The following SHROOM4 variants were observed in gnomAD, a reference collection of about 807,000 sequenced individuals.
SHROOM4 encodes the protein shroom family member 4.
Under a neutral mutation model 80.3 loss-of-function variants are expected in SHROOM4, and 17 were observed. The observed-to-expected ratio is 0.21, with a 90% CI of 0.14 to 0.32. SHROOM4 has a LOEUF of 0.32. SHROOM4 is among the 10% of genes least tolerant of loss of function. SHROOM4 has a pLI of 1.00. For synonymous variants in SHROOM4, 400 were observed against 437.5 expected (o/e 0.91, Z 1.07); for missense variants, 993 against 1,140.3 (o/e 0.87, Z 1.86).
At chrX:50,712,315 T>C (rs1175835875) in intron 1 of SHROOM4, among the ~76,000 whole-genome samples, 3 of 111,928 alleles carry the variant, frequency 2.7e-5, no homozygotes, top group Non-Finnish European at 5.6e-5. Flanking sequence ...CAAACTCCCC[T>C]TTGCAAACAA....
chrX:50,711,396 C>T, intron 1 of SHROOM4, among the ~76,000 whole-genome samples: 1 of 111,876 alleles, frequency 8.9e-6, no homozygotes, highest in South Asian at 3.7e-4. Context: ...AAAACCAACA[C>T]ACATGAGGGG....
At chrX:50,681,156 T>G (rs781979987) in intron 2 of SHROOM4, among the ~76,000 whole-genome samples, 2 of 111,122 alleles carry the variant, frequency 1.8e-5, no homozygotes, top group Non-Finnish European at 3.8e-5. Flanking sequence ...CCAAGTAGCC[T>G]CCTAACAAGT....
intron 1 of SHROOM4, among the ~76,000 whole-genome samples, chrX:50,795,325 A>G (rs1470454635): frequency 9.3e-6 from 1 of 107,904 alleles, no homozygotes; most frequent in Non-Finnish European, 1.9e-5. Flanking sequence ...GGAGATTCAT[A>G]CAAACTCAAA....
At chrX:50,586,202 GCTTTTTCAT>G (rs1280153225), downstream of SHROOM4, among the ~76,000 whole-genome samples, 2 of 111,979 alleles carry the variant, frequency 1.8e-5, no homozygotes, top group African/African-American at 6.5e-5. Context: ...AGTTTGGTCT[GCTTTTTCAT>G]CTTTATCAAA....
downstream of SHROOM4, among the ~76,000 whole-genome samples, chrX:50,583,942 C>T: frequency 8.9e-6 from 1 of 112,147 alleles, no homozygotes; most frequent in South Asian, 3.7e-4. Context: ...TTGTTTTAAG[C>T]TACTGAGTTT....
intron 2 of SHROOM4, among the ~76,000 whole-genome samples, chrX:50,652,848 G>C (rs1487772490): frequency 1.4e-4 from 16 of 111,708 alleles, no homozygotes; most frequent in Non-Finnish European, 1.9e-4. Flanking sequence ...GCTTGTTTTT[G>C]TCAGGTTTGT....
In SHROOM4 at chrX:50,596,896, G is replaced by A. The variant is rs368241036; in HGVS notation, c.4281C>T (p.His1427=). The change falls in exon 9 of 9, where the codon CAC becomes CAT. Residue 1427 remains histidine (H), a synonymous_variant. Transcript: ENST00000376020. ...ACACCAACTTCTCCCGGCGGTCCAC[G>A]TGCTCCTTCAGCTCCTTGGCATCTG... ...QLADAKELKE[H]VDRREKLVFG... is the part of the protein sequence containing the mutation. 8.2e-4 allele frequency: 996 copies of A among 1,209,976 alleles called. 2 individuals are homozygous for A. Among genetic ancestry groups the A allele is most frequent in the Non-Finnish European group, 1.1e-3 (961 of 895,173 alleles).
intron 7 of SHROOM4, among the ~76,000 whole-genome samples, chrX:50,599,017 T>TGTGTGC (rs1557247263): frequency 9.3e-6 from 1 of 107,850 alleles, no homozygotes; most frequent in Non-Finnish European, 1.9e-5. Flanking sequence ...TTTGTGTGTG[T>TGTGTGC]GTGTGTGTGT....
intron 2 of SHROOM4, among the ~76,000 whole-genome samples, chrX:50,653,568 G>T (rs184630999): frequency 1.4e-4 from 16 of 111,331 alleles, no homozygotes; most frequent in Non-Finnish European, 1.9e-4. Flanking sequence ...TCCTTCTCTT[G>T]CCTGACTGCC....
intron 1 of SHROOM4, among the ~76,000 whole-genome samples, chrX:50,769,394 C>T (rs1211378069): frequency 8.9e-6 from 1 of 112,340 alleles, no homozygotes; most frequent in Admixed American, 9.4e-5. Context: ...CTCAGTTTCT[C>T]TCAGTTCATA....
chrX:50,739,057 G>C (rs1427996204), intron 1 of SHROOM4, among the ~76,000 whole-genome samples: 14 of 111,413 alleles, frequency 1.3e-4, no homozygotes, highest in Non-Finnish European at 2.5e-4. Flanking sequence ...CTTTGACAAA[G>C]CTGACAAAAA....
Position 50,618,273 on chromosome X carries a change from TCTTCC to T in SHROOM4, c.2957+9336_2957+9340del, listed in dbSNP as rs782327441. ...CTGGTTTCTTTCTTTTCTTCTCTTC[TCTTCC>T]CCTTCCTTCCTTCCTTCCTTCCTTC... On this transcript the variant is annotated intron_variant, in intron 5 of 8. Coordinates refer to ENST00000376020, the MANE Select transcript of SHROOM4 (RefSeq NM_020717.5). Among the ~76,000 whole-genome samples the T allele has an allele frequency of 3.3e-3, 341 of 103,004 alleles. 2 individuals are homozygous for T. The highest frequency in any genetic ancestry group is 5.3e-3 in the Non-Finnish European group (266 of 50,370). The allele number at this position is 103,004 out of a possible 115,157, so 89.4% of individuals were successfully genotyped here. A position where few individuals can be genotyped will look rare whatever the true frequency, so the allele number is the denominator to read the frequency against.
chrX:50,709,688 G>C (rs1335362275), intron 1 of SHROOM4, among the ~76,000 whole-genome samples: 1 of 112,220 alleles, frequency 8.9e-6, no homozygotes, highest in Non-Finnish European at 1.9e-5. Context: ...TGGAGCTAAG[G>C]GGCATGCCTG....
At chrX:50,733,182 C>A (rs781984766) in intron 1 of SHROOM4, among the ~76,000 whole-genome samples, 1 of 112,039 alleles carries the variant, frequency 8.9e-6, no homozygotes, top group Admixed American at 9.5e-5. Flanking sequence ...CCTTAATCAA[C>A]ACAGAAAGAG....
At chrX:50,673,568 A>C (rs1420901098) in intron 2 of SHROOM4, among the ~76,000 whole-genome samples, 1 of 111,499 alleles carries the variant, frequency 9.0e-6, no homozygotes, top group Non-Finnish European at 1.9e-5. Context: ...TGTGAAATGT[A>C]AGTGGTCTAA....
intron 1 of SHROOM4, among the ~76,000 whole-genome samples, chrX:50,738,801 A>G (rs1177538107): frequency 8.9e-6 from 1 of 111,736 alleles, no homozygotes; most frequent in Non-Finnish European, 1.9e-5. Context: ...GCTACCATTG[A>G]CTTTTTTCAC....
At chrX:50,773,236 C>T (rs1935434379) in intron 1 of SHROOM4, among the ~76,000 whole-genome samples, 1 of 112,035 alleles carries the variant, frequency 8.9e-6, no homozygotes, top group Non-Finnish European at 1.9e-5. Context: ...AGGCTAAGTG[C>T]TTTACATACA....
downstream of SHROOM4, among the ~76,000 whole-genome samples, chrX:50,585,434 T>A (rs1236939605): frequency 9.0e-6 from 1 of 110,764 alleles, no homozygotes; most frequent in Non-Finnish European, 1.9e-5. Flanking sequence ...TGAGACTGCA[T>A]GACACATTTG....
chrX:50,802,392 C>T (rs781892099), intron 1 of SHROOM4, among the ~76,000 whole-genome samples: 3 of 112,148 alleles, frequency 2.7e-5, no homozygotes, highest in Non-Finnish European at 5.6e-5. Context: ...ACAGACACTT[C>T]AGTCTCAGAA....
Sources: allele counts gnomAD v4.1 joint callset (sites outside exome capture counted in the v4.1 genomes callset), GRCh38; gene constraint gnomAD v4.1.1; transcripts MANE v1.5; gene names NCBI Gene and HGNC (gene_info 2026-07-23, HGNC 2026-07-21).